Variants in GCA observed in about 807,000 individuals in gnomAD.
GCA encodes the protein grancalcin.
In GCA, 30 loss-of-function variants were observed where a neutral mutation model predicts 32.6. The ratio of observed to expected loss-of-function variants is 0.92; its 90% CI spans 0.69 to 1.25. The LOEUF (loss-of-function observed/expected upper bound fraction) is 1.25. Among genes scored for constraint, GCA ranks in the 50% most tolerant of loss-of-function variants. The pLI is 0.00. For missense variants in GCA, 291 were observed against 266.8 expected (o/e 1.09, Z -0.63); for synonymous variants, 102 against 84.6 (o/e 1.21, Z -1.13).
At position 162,362,968 on chromosome 2, in the gene GCA, A is replaced by C. The variant is rs1307672493; in HGVS notation, c.*2725A>C. 2.6e-5 allele frequency among the ~76,000 whole-genome samples: 4 copies of C among 151,556 alleles called. No individual in the cohort carries two copies. In the Admixed American group the frequency reaches 2.6e-4, roughly 10 times the overall value. On this transcript the variant is annotated 3_prime_UTR_variant, in exon 8 of 8. Coordinates refer to ENST00000437150, the MANE Select transcript of GCA (RefSeq NM_012198.5). ...GGCATTTACCCTAGAAGAAAGTAGA[A>C]TCTGTTAATACAGTTTAAAGTCTGT...
chr2:162,360,117 CTT>C, intron 7 of GCA, 98 bp from the exon 8 acceptor site: 1 of 734,148 alleles, frequency 1.4e-6, no homozygotes, highest in Non-Finnish European at 2.3e-6. Context: ...TGGAAACAAA[CTT>C]TTCTCTCTTA....
chr2:162,356,810 C>T lies in GCA; in HGVS notation c.359C>T (p.Ala120Val), dbSNP rs2105343210. ...GFNAFKELWA[A>V]LNAWKENFMT... ...AATGCATTCAAAGAGCTATGGGCAG[C>T]TCTTAATGCCTGGAAGGAAAACTTC... is the stretch of plus-strand genomic sequence containing the variant. Residue 120 changes from alanine to valine, a missense_variant, in exon 5 of 8, where the codon GCT becomes GTT. Transcript: ENST00000437150. The T allele has an allele frequency of 1.2e-6, 2 of 1,608,078 alleles. No individual in the cohort carries two copies. The highest frequency in any genetic ancestry group is 1.7e-6 in the Non-Finnish European group (2 of 1,175,192).
At chr2:162,358,243 G>A (rs565548661) in intron 5 of GCA, among the ~76,000 whole-genome samples, 1 of 151,300 alleles carries the variant, frequency 6.6e-6, no homozygotes, top group African/African-American at 2.4e-5. Flanking sequence ...CATCTATAAG[G>A]GTACAGCAAG....
At chr2:162,367,366 C>T (rs886102093), downstream of GCA, among the ~76,000 whole-genome samples, 2 of 151,866 alleles carry the variant, frequency 1.3e-5, no homozygotes, top group East Asian at 3.9e-4. Context: ...TATATACTTT[C>T]AAAATTGTAT....
chr2:162,368,741 C>G (rs1189592461), intron 4 of GCA, among the ~76,000 whole-genome samples: 4 of 151,976 alleles, frequency 2.6e-5, no homozygotes, highest in Non-Finnish European at 5.9e-5. Flanking sequence ...GCTCTGATGA[C>G]CAATACATTA....
intron 6 of GCA, 42 bp downstream of exon 6, chr2:162,359,199 AT>A (rs1685446330): frequency 9.4e-7 from 1 of 1,066,296 alleles, no homozygotes; most frequent in Non-Finnish European, 1.4e-6. Context: ...TTATGTAGCT[AT>A]TTTTCTTGAA....
chr2:162,347,895 T>C (rs976818227), intron 2 of GCA, among the ~76,000 whole-genome samples, 153 bp downstream of exon 2: 2 of 152,192 alleles, frequency 1.3e-5, no homozygotes, highest in Non-Finnish European at 2.9e-5. Flanking sequence ...ATGAGCATAG[T>C]CATAATTATT....
Position 162,361,593 on chromosome 2 carries a change from T to C in GCA, c.*1350T>C. 1 of 982,488 alleles carries C rather than the reference T, an allele frequency of 1.0e-6. No homozygotes were observed. The highest frequency in any genetic ancestry group is 4.7e-5 in the South Asian group (1 of 21,238). The allele number at this position is 982,488 out of a possible 1,614,324, so 60.9% of individuals were successfully genotyped here. A position where few individuals can be genotyped will look rare whatever the true frequency, so the allele number is the denominator to read the frequency against. On this transcript the variant is annotated 3_prime_UTR_variant, in exon 8 of 8. Coordinates refer to ENST00000437150, the MANE Select transcript of GCA (RefSeq NM_012198.5). ...TACAGAATTTTAAATCAGCCTTCAC[T>C]TAAAAAAATCCTGGAAAGGAAGTAA... is the stretch of plus-strand genomic sequence containing the variant.
chr2:162,334,095 A>G (rs1308217273), intron 1 of GCA, among the ~76,000 whole-genome samples: 1 of 152,202 alleles, frequency 6.6e-6, no homozygotes, highest in Non-Finnish European at 1.5e-5. Flanking sequence ...GAAAGGTGTA[A>G]GTGGGAAAGC....
downstream of GCA, among the ~76,000 whole-genome samples, chr2:162,364,063 T>G (rs1349569299): frequency 3.3e-5 from 5 of 151,490 alleles, no homozygotes. Context: ...AGATCATCAT[T>G]TAATAGCAAT....
intron 1 of GCA, among the ~76,000 whole-genome samples, chr2:162,331,411 T>C (rs1684079314): frequency 6.6e-6 from 1 of 152,140 alleles, no homozygotes; most frequent in South Asian, 2.1e-4. Context: ...TATCCTATGG[T>C]TTGAATTATT....
chr2:162,331,097 T>C (rs1684064330), intron 1 of GCA, among the ~76,000 whole-genome samples: 1 of 152,170 alleles, frequency 6.6e-6, no homozygotes, highest in Non-Finnish European at 1.5e-5. Context: ...AGCACTGTGC[T>C]GGGAGGCCAT....
intron 1 of GCA, among the ~76,000 whole-genome samples, chr2:162,332,318 A>G (rs1043193998): frequency 6.6e-5 from 9 of 136,346 alleles, no homozygotes; most frequent in African/African-American, 1.8e-4. Context: ...CAAAAAAAAA[A>G]AAAAATATAT....
At chr2:162,323,722 T>C (rs1477274833) in intron 1 of GCA, among the ~76,000 whole-genome samples, 1 of 151,814 alleles carries the variant, frequency 6.6e-6, no homozygotes, top group Admixed American at 6.6e-5. Flanking sequence ...TAGTTGTAGA[T>C]ATGTGGCATT....
chr2:162,353,759 G>C (rs1227402314), intron 3 of GCA, among the ~76,000 whole-genome samples: 1 of 152,108 alleles, frequency 6.6e-6, no homozygotes, highest in Non-Finnish European at 1.5e-5. Context: ...GTGTTGTGTG[G>C]GGAACTCAGA....
In GCA at chr2:162,323,864, T is replaced by C. The variant is rs1279984101; in HGVS notation, c.-31+4639T>C. Among the ~76,000 whole-genome samples the C allele has an allele frequency of 6.6e-5, 10 of 151,960 alleles. No homozygotes were observed. In the East Asian group the frequency reaches 1.9e-3, roughly 29 times the overall value. On this transcript the variant is annotated intron_variant, in intron 1 of 4. Transcript: ENST00000429691. ...GGGTGATGCCTCCAGCTTTGTTCTT[T>C]TGGCTTAGGATTGACTTGGCGATGC...
chr2:162,327,865 G>A (rs921543423), intron 1 of GCA, among the ~76,000 whole-genome samples: 3 of 152,212 alleles, frequency 2.0e-5, no homozygotes, highest in Admixed American at 1.3e-4. Context: ...TTCAAACTGC[G>A]CGAGAGAAAA....
upstream of GCA, among the ~76,000 whole-genome samples, chr2:162,341,530 ATAGT>A (rs1017188728): frequency 6.6e-6 from 1 of 152,090 alleles, no homozygotes; most frequent in African/African-American, 2.4e-5. Flanking sequence ...AAGAAATTCC[ATAGT>A]TAGACATAAT....
intron 2 of GCA, among the ~76,000 whole-genome samples, chr2:162,351,539 C>T (rs1343911963): frequency 6.6e-6 from 1 of 152,120 alleles, no homozygotes; most frequent in African/African-American, 2.4e-5. Context: ...TGCCAAAAAT[C>T]CATTAGAATG....
Sources: gnomAD v4.1 joint callset for allele counts (sites outside exome capture counted in the v4.1 genomes callset) on GRCh38, gnomAD v4.1.1 for gene constraint, MANE v1.5 for transcripts, NCBI Gene and HGNC (gene_info 2026-07-23, HGNC 2026-07-21) for gene names.